KIF26A: variants seen among roughly 807,000 people sequenced by gnomAD.
KIF26A encodes kinesin-like protein KIF26A.
A neutral mutation model predicts 126.0 loss-of-function variants in KIF26A; 74 were observed. The observed-to-expected ratio is 0.59, with a 90% CI of 0.49 to 0.71. The LOEUF (loss-of-function observed/expected upper bound fraction) is 0.71, where lower values mean the gene tolerates loss of function less well. Among genes scored for constraint, KIF26A ranks in the 30% least tolerant of loss-of-function variants. KIF26A has a pLI of 0.00. For missense variants in KIF26A, 2,984 were observed against 2,763.3 expected (o/e 1.08, Z -1.79); for synonymous variants, 1,445 against 1,232.7 (o/e 1.17, Z -3.61).
intron 4 of KIF26A, among the ~76,000 whole-genome samples, chr14:104,161,349 G>T (rs1353216975): frequency 6.6e-6 from 1 of 152,134 alleles, no homozygotes; most frequent in East Asian, 1.9e-4. Context: ...GCCTCGCACG[G>T]CCCAGTGTGG....
At chr14:104,165,769 GTGTGAC>G (rs200796885) in intron 4 of KIF26A, among the ~76,000 whole-genome samples, 8 of 146,690 alleles carry the variant, frequency 5.5e-5, no homozygotes, top group Non-Finnish European at 1.1e-4. Flanking sequence ...GTATGCATGT[GTGTGAC>G]TGTGTCTCTG....
At chr14:104,165,598 CAT>C (rs1306133523) in intron 4 of KIF26A, among the ~76,000 whole-genome samples, 1 of 115,884 alleles carries the variant, frequency 8.6e-6, no homozygotes, top group Non-Finnish European at 1.7e-5. Flanking sequence ...TGTGTCTATG[CAT>C]GTGTGTGTCT....
At position 104,177,815 on chromosome 14, in the gene KIF26A, C is replaced by T. The variant is rs763914422; in HGVS notation, c.5027C>T (p.Ala1676Val). 27 of 1,568,160 alleles carry T rather than the reference C, an allele frequency of 1.7e-5. No individual in the cohort carries two copies. Among genetic ancestry groups the T allele is most frequent in the Non-Finnish European group, 2.3e-5 (27 of 1,165,382 alleles). ...DSEATGSASS[A>V]PDSMSESGAA... ...GAGGCCACCGGCAGCGCCTCCTCCG[C>T]CCCTGACTCCATGAGCGAGAGTGGG... Residue 1676 changes from alanine (A) to valine (V), a missense_variant, in exon 12 of 15, where the codon GCC (alanine) becomes GTC (valine). Transcript: ENST00000423312.
At position 104,177,713 on chromosome 14, in the gene KIF26A, C is replaced by T. The variant is rs779928675; in HGVS notation, c.4925C>T (p.Pro1642Leu). ...DNSSVLSGEL[P>L]PAMGRTALFH... Reference sequence around the variant, plus strand: ...AGCAGCGTGCTGAGTGGAGAGCTGCCGCCCGCCATGGGCCGCACCGCCCTT... The same window carrying T: ...AGCAGCGTGCTGAGTGGAGAGCTGCTGCCCGCCATGGGCCGCACCGCCCTT... Residue 1642 changes from proline to leucine, a missense_variant, in exon 12 of 15, where the codon CCG becomes CTG. Physicochemically the swap from Pro to Leu is moderately conservative, Grantham distance 98. Coordinates refer to ENST00000423312, the MANE Select transcript of KIF26A (RefSeq NM_015656.2). The T allele has an allele frequency of 4.6e-6, 7 of 1,531,970 alleles. No individual in the cohort carries two copies. The highest frequency in any genetic ancestry group is 5.2e-6 in the Non-Finnish European group (6 of 1,144,794). 94.9% of individuals were successfully genotyped at this position (1,531,970 alleles called of 1,614,324 possible).
At position 104,180,187 on chromosome 14, in the gene KIF26A, TGTGG is replaced by T. The variant is rs2038087063; in HGVS notation, c.*398_*401del. On this transcript the variant is annotated 3_prime_UTR_variant, in exon 15 of 15. Coordinates refer to ENST00000423312, the MANE Select transcript of KIF26A (RefSeq NM_015656.2). ...GCCTTCTTTGCAGCCAAGCAGTTTT[TGTGG>T]AGTGGAGTGGGACTTACCTGCACGC... The T allele has an allele frequency of 5.9e-6, 1 of 170,096 alleles. No individual in the cohort carries two copies. Among genetic ancestry groups the T allele is most frequent in the South Asian group, 1.8e-4 (1 of 5,466 alleles). The allele number at this position is 170,096 out of a possible 1,614,324, so 10.5% of individuals were successfully genotyped here. A position where few individuals can be genotyped will look rare whatever the true frequency, so the allele number is the denominator to read the frequency against.
At chr14:104,158,372 C>T (rs1362623549) in intron 4 of KIF26A, among the ~76,000 whole-genome samples, 1 of 152,240 alleles carries the variant, frequency 6.6e-6, no homozygotes, top group Non-Finnish European at 1.5e-5. Context: ...CGGAGTGGGG[C>T]AGCTCAGCTG....
chr14:104,157,056 C>G (rs1339331091), intron 3 of KIF26A, among the ~76,000 whole-genome samples: 1 of 152,124 alleles, frequency 6.6e-6, no homozygotes, highest in East Asian at 1.9e-4. Context: ...GGGTTGCATC[C>G]CCCCACGCCG....
At position 104,148,963 on chromosome 14, in the gene KIF26A, G is replaced by A. The variant is rs1161359550; in HGVS notation, c.289-3052G>A. On this transcript the variant is annotated intron_variant, in intron 2 of 14. Transcript: ENST00000423312. The surrounding 1 kb of genome is among the most constrained non-coding windows in gnomAD (Gnocchi z 4.3). ...GCTGGTCCTGCAAATAGGAGGTCTCGGGTCCTCTGGGCTGGGCTGTGTGGC... is the reference window on the plus strand; with the variant it reads ...GCTGGTCCTGCAAATAGGAGGTCTCAGGTCCTCTGGGCTGGGCTGTGTGGC... Among the ~76,000 whole-genome samples, 1 of 152,152 alleles carries A rather than the reference G, an allele frequency of 6.6e-6. No homozygotes were observed. The highest frequency in any genetic ancestry group is 2.4e-5 in the African/African-American group (1 of 41,424).
intron 4 of KIF26A, among the ~76,000 whole-genome samples, chr14:104,165,625 ATGTG>A (rs533755654): frequency 1.5e-5 from 2 of 130,274 alleles, no homozygotes; most frequent in Non-Finnish European, 3.1e-5. Flanking sequence ...CTCTGTATGC[ATGTG>A]TGTGTCTGTG....
intron 12 of KIF26A, 139 bp from the exon 13 acceptor site, chr14:104,178,411 G>A: frequency 1.6e-6 from 1 of 641,350 alleles, no homozygotes. Flanking sequence ...CCTGGGCAGA[G>A]CGCCAGCCTG....
chr14:104,156,689 T>G (rs2037780980), intron 3 of KIF26A, among the ~76,000 whole-genome samples: 1 of 152,202 alleles, frequency 6.6e-6, no homozygotes, highest in Non-Finnish European at 1.5e-5. Context: ...GCAGGGCCTC[T>G]GTCTGGAGTG....
At chr14:104,165,530 TCTTTGTGTCTATGC>T (rs2037883042) in intron 4 of KIF26A, among the ~76,000 whole-genome samples, 1 of 123,216 alleles carries the variant, frequency 8.1e-6, no homozygotes, top group Admixed American at 7.9e-5. Flanking sequence ...CATGTGTGTA[TCTTTGTGTCTATGC>T]GTGTGTGTGT....
chr14:104,171,719 C>A lies in KIF26A; in HGVS notation c.1114-4C>A. 1 of 1,562,068 alleles carries A rather than the reference C, an allele frequency of 6.4e-7. No homozygotes were observed. The highest frequency in any genetic ancestry group is 2.4e-5 in the East Asian group (1 of 42,100). ...TTCTCAGGTGCCGCCCACCTCTGCC[C>A]CAGGTGAAGGTTATGCTGCGGATCT... is the stretch of plus-strand genomic sequence containing the variant. On this transcript the variant is annotated splice_polypyrimidine_tract_variant and splice_region_variant and intron_variant, in intron 5 of 14. Coordinates refer to ENST00000423312, the MANE Select transcript of KIF26A (RefSeq NM_015656.2).
chr14:104,138,979 G>T (rs1173543543), intron 1 of KIF26A, 64 bp from the exon 2 acceptor site: 2 of 1,312,656 alleles, frequency 1.5e-6, no homozygotes, highest in African/African-American at 3.1e-5. Flanking sequence ...GGCAGGGCGC[G>T]CAGGGGTCTG....
chr14:104,175,045 C>G lies in KIF26A; in HGVS notation c.2257C>G (p.His753Asp), dbSNP rs779891534. The change falls in exon 12 of 15, where the codon CAC (histidine) becomes GAC (aspartate). Residue 753 changes from histidine (H) to aspartate (D), a missense_variant. By Grantham distance (81) the His-to-Asp change is moderately conservative. Coordinates refer to ENST00000423312, the MANE Select transcript of KIF26A (RefSeq NM_015656.2). Reference sequence around the variant, plus strand: ...GGAAGGCCGGGCCCGTCGGCCCCCGCACCTGCGGCCCTTCCACCCACGCAC... The same window carrying G: ...GGAAGGCCGGGCCCGTCGGCCCCCGGACCTGCGGCCCTTCCACCCACGCAC... ...CEEGRARRPP[H>D]LRPFHPRTVA... is the part of the protein sequence containing the mutation. 1.3e-6 allele frequency: 2 copies of G among 1,573,658 alleles called. No homozygotes were observed. Among genetic ancestry groups the G allele is most frequent in the Non-Finnish European group, 1.7e-6 (2 of 1,162,482 alleles).
chr14:104,162,333 G>A (rs1052948456), intron 4 of KIF26A, among the ~76,000 whole-genome samples: 2 of 152,182 alleles, frequency 1.3e-5, no homozygotes, highest in African/African-American at 4.8e-5. Flanking sequence ...CACAGAGGAC[G>A]CCCGGTCCCA....
At position 104,175,111 on chromosome 14, in the gene KIF26A, G is replaced by C. The variant is rs748006156; in HGVS notation, c.2323G>C (p.Gly775Arg). Residue 775 changes from glycine to arginine, a missense_variant, in exon 12 of 15, where the codon GGT becomes CGT. Coordinates refer to ENST00000423312, the MANE Select transcript of KIF26A (RefSeq NM_015656.2). ...DPDRTPPCLPGDPDYSSSSEQ... is the reference protein window; with the variant it reads ...DPDRTPPCLPRDPDYSSSSEQ... ...CGACCGCACGCCTCCCTGCCTGCCC[G>C]GTGACCCCGATTACTCCTCCAGCAG... 1 of 1,604,796 alleles carries C rather than the reference G, an allele frequency of 6.2e-7. No individual in the cohort carries two copies. Among genetic ancestry groups the C allele is most frequent in the Non-Finnish European group, 8.5e-7 (1 of 1,176,942 alleles).
intron 5 of KIF26A, among the ~76,000 whole-genome samples, chr14:104,170,720 G>T (rs992889571): frequency 1.3e-5 from 2 of 152,230 alleles, no homozygotes; most frequent in African/African-American, 4.8e-5. Context: ...CCGCCTCCTG[G>T]CATCGACGCA....
chr14:104,162,096 C>A (rs2037838437), intron 4 of KIF26A, among the ~76,000 whole-genome samples: 1 of 152,224 alleles, frequency 6.6e-6, no homozygotes, highest in Non-Finnish European at 1.5e-5. Context: ...GCCTGAATTT[C>A]ATCAAAGGAG....
Sources: allele counts gnomAD v4.1 joint callset (sites outside exome capture counted in the v4.1 genomes callset), GRCh38; gene constraint gnomAD v4.1.1; non-coding constraint Gnocchi (gnomAD v3.1); transcripts MANE v1.5; gene names NCBI Gene and HGNC (gene_info 2026-07-23, HGNC 2026-07-21).